The following CACNB4 variants were observed in gnomAD, a reference collection of about 807,000 sequenced individuals.
The protein encoded by CACNB4 is calcium voltage-gated channel auxiliary subunit beta 4.
In CACNB4, 32 loss-of-function variants were observed where a neutral mutation model predicts 71.2. The observed-to-expected ratio is 0.45, with a 90% CI of 0.34 to 0.60. The LOEUF (loss-of-function observed/expected upper bound fraction) is 0.60. CACNB4 is among the 20% of genes least tolerant of loss of function. The probability of loss-of-function intolerance (pLI) is 0.01; values close to 1 mark genes in which losing one functional copy is unlikely to be tolerated. For synonymous variants in CACNB4, 231 were observed against 236.9 expected (o/e 0.97, Z 0.23); for missense variants, 464 against 647.9 (o/e 0.72, Z 3.08).
intron 2 of CACNB4, among the ~76,000 whole-genome samples, chr2:151,906,322 C>T (rs551761277): frequency 2.6e-5 from 4 of 152,302 alleles, no homozygotes; most frequent in Admixed American, 2.6e-4. Flanking sequence ...ACTGGTTGCC[C>T]TATGAGTAAA....
intron 2 of CACNB4, among the ~76,000 whole-genome samples, chr2:152,021,488 C>T (rs1683665707): frequency 6.6e-6 from 1 of 152,176 alleles, no homozygotes; most frequent in African/African-American, 2.4e-5. Flanking sequence ...CCCATAATCT[C>T]TTAACATTTG....
At chr2:151,971,457 C>G in intron 2 of CACNB4, 5 of 701,948 alleles carry the variant, frequency 7.1e-6, no homozygotes, top group Non-Finnish European at 1.3e-5. Context: ...CGGACTGCAG[C>G]TAGCCATCTG....
At chr2:151,859,366 A>G (rs2099841085) in intron 10 of CACNB4, 1 of 152,206 alleles carries the variant, frequency 6.6e-6, no homozygotes, top group Non-Finnish European at 1.5e-5. Context: ...TTAAGCTTTT[A>G]ATTATCTTTT....
chr2:151,995,795 G>C (rs1186682169), intron 2 of CACNB4, among the ~76,000 whole-genome samples: 1 of 152,246 alleles, frequency 6.6e-6, no homozygotes, highest in East Asian at 1.9e-4. Flanking sequence ...CCTATGTTGG[G>C]AAACTACCTA....
At chr2:151,983,729 T>G (rs1035047290) in intron 2 of CACNB4, among the ~76,000 whole-genome samples, 1 of 150,666 alleles carries the variant, frequency 6.6e-6, no homozygotes, top group Non-Finnish European at 1.5e-5. Context: ...TTGCAAGTTA[T>G]TTAGTAATGC....
At chr2:152,027,851 TCAAAAAAAAAAA>T (rs1250996995) in intron 2 of CACNB4, among the ~76,000 whole-genome samples, 1 of 27,744 alleles carries the variant, frequency 3.6e-5, no homozygotes, top group African/African-American at 6.4e-5. Flanking sequence ...AGACTCCGTC[TCAAAAAAAAAAA>T]AAAAAAAAAA....
rs564888974 is a variant in CACNB4 at position 152,046,148 on chromosome 2, A to C, written c.147+52182T>G. Among the ~76,000 whole-genome samples the C allele has an allele frequency of 7.9e-5, 12 of 152,352 alleles. No homozygotes were observed. In the South Asian group the frequency reaches 1.0e-3, roughly 13 times the overall value. On this transcript the variant is annotated intron_variant, in intron 2 of 13. Transcript: ENST00000539935. ...AGTTATTAAGAAGGAAGTGGCAATT[A>C]TTTTACCTGGAAACTCTGATTATAT... is the stretch of plus-strand genomic sequence containing the variant.
chr2:152,060,318 A>G (rs1455284553), intron 2 of CACNB4, among the ~76,000 whole-genome samples: 3 of 152,224 alleles, frequency 2.0e-5, no homozygotes, highest in African/African-American at 2.4e-5. Context: ...ATTTCATACC[A>G]TTACATTAAA....
At chr2:151,990,719 C>T (rs1310495462) in intron 2 of CACNB4, among the ~76,000 whole-genome samples, 2 of 152,164 alleles carry the variant, frequency 1.3e-5, no homozygotes, top group Admixed American at 1.3e-4. Context: ...CAACTCTGAC[C>T]AGAAGTCACA....
chr2:151,839,514 A>C (rs147990389), intron 13 of CACNB4, 135 bp from the exon 14 acceptor site: 11,822 of 682,114 alleles, frequency 0.017, 159 homozygotes, highest in Non-Finnish European at 0.023. Context: ...TGATGCACCA[A>C]TGATCTGCTT....
intron 12 of CACNB4, among the ~76,000 whole-genome samples, chr2:151,843,879 C>A (rs189968882): frequency 2.4e-4 from 36 of 152,318 alleles, no homozygotes; most frequent in South Asian, 1.9e-3. Context: ...TCTCTCCCAA[C>A]ATTTACTATT....
chr2:152,087,045 T>C (rs1002774180), intron 2 of CACNB4, among the ~76,000 whole-genome samples: 1 of 151,742 alleles, frequency 6.6e-6, no homozygotes, highest in African/African-American at 2.4e-5. Context: ...GGCAGGAGAA[T>C]TGCTTGAACT....
chr2:151,901,088 G>A (rs960378143), intron 2 of CACNB4, among the ~76,000 whole-genome samples: 2 of 149,432 alleles, frequency 1.3e-5, no homozygotes, highest in African/African-American at 2.5e-5. Flanking sequence ...TGACCTCCTG[G>A]GCTCAAGCAA....
chr2:151,994,924 A>C (rs1035722111), intron 2 of CACNB4, among the ~76,000 whole-genome samples: 1 of 152,154 alleles, frequency 6.6e-6, no homozygotes, highest in Non-Finnish European at 1.5e-5. Context: ...GTGAGCCACC[A>C]TATCTAGCTG....
At chr2:151,863,768 G>T (rs1181768454) in intron 9 of CACNB4, among the ~76,000 whole-genome samples, 1 of 152,038 alleles carries the variant, frequency 6.6e-6, no homozygotes, top group Non-Finnish European at 1.5e-5. Context: ...TCCAATACAG[G>T]GAAAGATGCA....
At chr2:151,882,409 T>C (rs2099848139) in intron 3 of CACNB4, among the ~76,000 whole-genome samples, 1 of 152,056 alleles carries the variant, frequency 6.6e-6, no homozygotes, top group Admixed American at 6.6e-5. Context: ...TTCACTTTAT[T>C]TGGGCTTCTG....
At chr2:152,071,242 A>G (rs1278764093) in intron 2 of CACNB4, among the ~76,000 whole-genome samples, 1 of 152,196 alleles carries the variant, frequency 6.6e-6, no homozygotes, top group African/African-American at 2.4e-5. Context: ...AGGGGGAAAA[A>G]TACAGAAACC....
At chr2:151,900,736 GA>G (rs932601427) in intron 2 of CACNB4, among the ~76,000 whole-genome samples, 3 of 152,108 alleles carry the variant, frequency 2.0e-5, no homozygotes, top group African/African-American at 7.2e-5. Flanking sequence ...TGCAGTCAGA[GA>G]GACTGACTGG....
intron 2 of CACNB4, among the ~76,000 whole-genome samples, chr2:151,948,400 C>T (rs575782715): frequency 6.6e-6 from 1 of 152,314 alleles, no homozygotes; most frequent in East Asian, 1.9e-4. Flanking sequence ...GTGGTTCATG[C>T]CTGTAATCCC....
Sources: gnomAD v4.1 joint callset for allele counts (sites outside exome capture counted in the v4.1 genomes callset) on GRCh38, gnomAD v4.1.1 for gene constraint, MANE v1.5 for transcripts, NCBI Gene and HGNC (gene_info 2026-07-23, HGNC 2026-07-21) for gene names.